Variants in FGF14 observed in about 807,000 individuals in gnomAD.
FGF14 encodes the protein fibroblast growth factor 14, also known as fibroblast growth factor homologous factor 4.
A neutral mutation model predicts 25.5 loss-of-function variants in FGF14; 5 were observed. The ratio of observed to expected loss-of-function variants is 0.20; its 90% CI spans 0.10 to 0.41. FGF14 has a LOEUF of 0.41. Ranked by LOEUF, FGF14 falls within the 10% of genes least tolerant of loss-of-function variation. The pLI, the probability that FGF14 is intolerant of heterozygous loss-of-function variation, is 1.00. For missense variants in FGF14, 222 were observed against 320.1 expected, an observed-to-expected ratio of 0.69 and a Z score of 2.34; for synonymous variants, 138 against 118.3, an observed-to-expected ratio of 1.17 and a Z score of -1.08.
intron 1 of FGF14, among the ~76,000 whole-genome samples, chr13:102,025,318 A>C (rs1282041702): frequency 2.0e-5 from 3 of 151,980 alleles, no homozygotes; most frequent in Non-Finnish European, 2.9e-5. Flanking sequence ...AAGAATATTA[A>C]GTCTTCTAGT....
chr13:102,159,608 T>C (rs1444190892), intron 1 of FGF14, among the ~76,000 whole-genome samples: 1 of 152,186 alleles, frequency 6.6e-6, no homozygotes, highest in Non-Finnish European at 1.5e-5. Context: ...GTCCCACCTA[T>C]CAAACTGTAG....
At chr13:102,310,876 G>C (rs778992744) in intron 1 of FGF14, among the ~76,000 whole-genome samples, 14 of 151,924 alleles carry the variant, frequency 9.2e-5, no homozygotes, top group African/African-American at 1.2e-4. Context: ...TTCTCCCTTG[G>C]GGGTGGGAAG....
chr13:101,821,205 C>A (rs2042139017), intron 3 of FGF14, among the ~76,000 whole-genome samples: 1 of 152,190 alleles, frequency 6.6e-6, no homozygotes, highest in South Asian at 2.1e-4. Flanking sequence ...GCCTCGGCCT[C>A]CCAAAGTGCT....
chr13:102,035,057 T>C (rs1275535231), intron 1 of FGF14, among the ~76,000 whole-genome samples: 1 of 152,104 alleles, frequency 6.6e-6, no homozygotes, highest in African/African-American at 2.4e-5. Flanking sequence ...ACTGGTTTAA[T>C]GTATTTTAAG....
chr13:101,877,442 G>A lies in FGF14; in HGVS notation c.194-2146C>T, dbSNP rs536566199. Among the ~76,000 whole-genome samples the A allele has an allele frequency of 9.2e-4, 140 of 152,136 alleles. 1 individual carries two copies. Among genetic ancestry groups the A allele is most frequent in the African/African-American group, 3.3e-3 (136 of 41,520 alleles). On this transcript the variant is annotated intron_variant, in intron 1 of 4. Transcript: ENST00000376143. ...CTTACTTAATAGAAGCCCACTTGGA[G>A]GATGAAGAAATCGAGACACAGAGCA...
intron 1 of FGF14, among the ~76,000 whole-genome samples, chr13:102,049,047 C>T (rs2042108910): frequency 6.6e-6 from 1 of 151,852 alleles, no homozygotes; most frequent in East Asian, 1.9e-4. Flanking sequence ...AAAACTAAGA[C>T]ATATGTCTCC....
intron 1 of FGF14, among the ~76,000 whole-genome samples, chr13:102,101,994 C>T (rs1186078137): frequency 1.3e-5 from 2 of 152,156 alleles, no homozygotes; most frequent in East Asian, 1.9e-4. Context: ...TGAGCCACCA[C>T]ACCCAGCCTA....
At chr13:101,811,131 A>G (rs565782865) in intron 3 of FGF14, among the ~76,000 whole-genome samples, 2 of 151,840 alleles carry the variant, frequency 1.3e-5, no homozygotes, top group South Asian at 4.2e-4. Context: ...GCCAAAGTCT[A>G]TCCCTTACAT....
At chr13:102,244,607 T>C (rs1207411441) in intron 1 of FGF14, among the ~76,000 whole-genome samples, 1 of 152,116 alleles carries the variant, frequency 6.6e-6, no homozygotes, top group African/African-American at 2.4e-5. Flanking sequence ...GTTTTTCATG[T>C]CATTGCATAC....
chr13:101,756,363 C>T (rs990622823), intron 3 of FGF14, among the ~76,000 whole-genome samples: 14 of 152,030 alleles, frequency 9.2e-5, no homozygotes, highest in Admixed American at 3.3e-4. Context: ...GTTTAATTGC[C>T]GTAGTCTTGT....
At chr13:102,227,185 C>T (rs1006598949) in intron 1 of FGF14, among the ~76,000 whole-genome samples, 1 of 152,054 alleles carries the variant, frequency 6.6e-6, no homozygotes, top group African/African-American at 2.4e-5. Flanking sequence ...CCTCCCATTC[C>T]ATCCAACTAG....
intron 3 of FGF14, among the ~76,000 whole-genome samples, chr13:101,812,636 TATATATATATATATA>T (rs1392034478): frequency 8.7e-4 from 12 of 13,780 alleles, no homozygotes; most frequent in East Asian, 1.9e-3. Context: ...TATATATATA[TATATATATATATATA>T]TATTTTTTTT....
At chr13:101,794,848 C>T (rs185574323) in intron 3 of FGF14, among the ~76,000 whole-genome samples, 3 of 152,138 alleles carry the variant, frequency 2.0e-5, no homozygotes, top group African/African-American at 7.2e-5. Context: ...TTCCTATAAA[C>T]TAGATTCTAA....
chr13:102,278,569 TGTG>T, intron 1 of FGF14, among the ~76,000 whole-genome samples: 1 of 152,082 alleles, frequency 6.6e-6, no homozygotes, highest in East Asian at 1.9e-4. Flanking sequence ...CTTTTAGATG[TGTG>T]ACCCCAAAAT....
chr13:102,075,413 A>T (rs1280842165), intron 1 of FGF14, among the ~76,000 whole-genome samples: 3 of 152,186 alleles, frequency 2.0e-5, no homozygotes, highest in Admixed American at 2.0e-4. Flanking sequence ...ATAAGATTAT[A>T]ATCAAGCTGA....
At chr13:101,799,853 A>G (rs1165114588) in intron 3 of FGF14, among the ~76,000 whole-genome samples, 1 of 149,228 alleles carries the variant, frequency 6.7e-6, no homozygotes, top group East Asian at 2.5e-4. Flanking sequence ...ACACCGAAAA[A>G]TAGTCTTCAG....
intron 3 of FGF14, among the ~76,000 whole-genome samples, chr13:101,788,949 CAGAGAGAGAGAGAGAG>C (rs60324795): frequency 0.066 from 4,890 of 74,638 alleles, 273 homozygotes; most frequent in Admixed American, 0.14. Flanking sequence ...GAGAGAGAGA[CAGAGAGAGAGAGAGAG>C]AGAGACAGAG....
intron 1 of FGF14, chr13:102,002,518 A>T (rs574492991): frequency 6.0e-6 from 1 of 167,002 alleles, no homozygotes; most frequent in African/African-American, 2.4e-5. Flanking sequence ...GGAAAATCTG[A>T]AGTTAGTTGT....
At chr13:101,958,544 C>T (rs530658122) in intron 1 of FGF14, among the ~76,000 whole-genome samples, 98 of 152,316 alleles carry the variant, frequency 6.4e-4, no homozygotes, top group African/African-American at 2.3e-3. Flanking sequence ...TCTCTCTACA[C>T]TCCACTTGCT....
Sources: allele counts gnomAD v4.1 joint callset (sites outside exome capture counted in the v4.1 genomes callset), GRCh38; gene constraint gnomAD v4.1.1; transcripts MANE v1.5; gene names NCBI Gene and HGNC (gene_info 2026-07-23, HGNC 2026-07-21).